Variants in IQCM observed in about 807,000 individuals in gnomAD.
IQCM encodes the protein IQ motif containing M, also known as IQ domain-containing protein M.
IQCM carries 45 observed loss-of-function variants against 57.6 expected under a neutral mutation model. That is an observed-to-expected ratio of 0.78 (90% CI 0.62 to 1.00). The LOEUF (loss-of-function observed/expected upper bound fraction) is 1.00. Among genes scored for constraint, IQCM ranks in the 50% least tolerant of loss-of-function variants. The pLI, the probability that IQCM is intolerant of heterozygous loss-of-function variation, is 0.00. For missense variants in IQCM, 468 were observed against 511.6 expected (o/e 0.91, Z 0.82); for synonymous variants, 148 against 158.9 (o/e 0.93, Z 0.51).
intron 7 of IQCM, among the ~76,000 whole-genome samples, chr4:149,676,163 A>T (rs1761732941): frequency 6.6e-6 from 1 of 152,086 alleles, no homozygotes; most frequent in African/African-American, 2.4e-5. Context: ...AAAATAGAAG[A>T]GCAAAAGGCA....
intron 12 of IQCM, among the ~76,000 whole-genome samples, chr4:149,463,241 T>G (rs1330735143): frequency 6.6e-6 from 1 of 152,176 alleles, no homozygotes; most frequent in Non-Finnish European, 1.5e-5. Context: ...CACTTTAAAA[T>G]GAACTGCCAT....
chr4:149,400,977 A>C (rs1732579908), intron 13 of IQCM, among the ~76,000 whole-genome samples: 1 of 151,806 alleles, frequency 6.6e-6, no homozygotes, highest in African/African-American at 2.4e-5. Context: ...CACATCTATT[A>C]AAAGGGGTGA....
At chr4:149,748,355 T>C (rs116056156) in intron 2 of IQCM, among the ~76,000 whole-genome samples, 1,805 of 152,316 alleles carry the variant, frequency 0.012, 50 homozygotes, top group African/African-American at 0.041. Context: ...AATTAAGATA[T>C]CTCAAATATT....
chr4:149,405,558 T>TAA (rs560338743), intron 13 of IQCM, among the ~76,000 whole-genome samples: 7 of 138,526 alleles, frequency 5.1e-5, no homozygotes, highest in African/African-American at 1.9e-4. Context: ...TAAAGTATAA[T>TAA]AAAAAAAAAA....
intron 12 of IQCM, among the ~76,000 whole-genome samples, chr4:149,545,535 A>T (rs910445393): frequency 6.6e-6 from 1 of 152,136 alleles, no homozygotes; most frequent in Non-Finnish European, 1.5e-5. Context: ...AAGACAAGAG[A>T]TAGCAGGTAT....
At chr4:149,735,086 T>C (rs1766811434) in intron 4 of IQCM, among the ~76,000 whole-genome samples, 1 of 152,214 alleles carries the variant, frequency 6.6e-6, no homozygotes, top group South Asian at 2.1e-4. Flanking sequence ...TTATGTGACA[T>C]GATAAATCCA....
At chr4:149,634,442 G>T (rs544666638) in intron 7 of IQCM, among the ~76,000 whole-genome samples, 1 of 152,270 alleles carries the variant, frequency 6.6e-6, no homozygotes, top group East Asian at 1.9e-4. Flanking sequence ...ATGTTTTCTT[G>T]TATTCTAACT....
intron 7 of IQCM, among the ~76,000 whole-genome samples, chr4:149,629,607 G>A (rs1262311942): frequency 6.6e-6 from 1 of 151,950 alleles, no homozygotes; most frequent in Non-Finnish European, 1.5e-5. Flanking sequence ...TTAGGCAGCA[G>A]AATACTAGAT....
intron 12 of IQCM, among the ~76,000 whole-genome samples, chr4:149,455,126 G>C (rs771084736): frequency 1.3e-5 from 2 of 152,070 alleles, no homozygotes; most frequent in Admixed American, 6.6e-5. Context: ...ACCCAACAAT[G>C]TATGATACGT....
chr4:149,479,205 C>T (rs1294785515), intron 12 of IQCM, among the ~76,000 whole-genome samples: 1 of 152,070 alleles, frequency 6.6e-6, no homozygotes, highest in Admixed American at 6.6e-5. Flanking sequence ...TACATTGAAC[C>T]TATTAGCTTA....
chr4:149,417,003 T>A (rs557971112), intron 13 of IQCM, among the ~76,000 whole-genome samples: 2 of 152,234 alleles, frequency 1.3e-5, no homozygotes, highest in East Asian at 3.9e-4. Flanking sequence ...AACTGAGGAA[T>A]TGCTTTTAGG....
intron 2 of IQCM, among the ~76,000 whole-genome samples, chr4:149,798,911 A>G (rs944864338): frequency 3.3e-5 from 5 of 151,980 alleles, no homozygotes; most frequent in African/African-American, 9.7e-5. Flanking sequence ...CACGTTAAGC[A>G]TTGGACAGAC....
chr4:149,757,593 T>C (rs1300580888), intron 2 of IQCM, among the ~76,000 whole-genome samples: 1 of 152,086 alleles, frequency 6.6e-6, no homozygotes, highest in Non-Finnish European at 1.5e-5. Context: ...TAAATAGGTA[T>C]GCCAAATTAT....
At chr4:149,589,859 T>C (rs1261865883) in intron 8 of IQCM, among the ~76,000 whole-genome samples, 2 of 152,042 alleles carry the variant, frequency 1.3e-5, no homozygotes, top group Non-Finnish European at 2.9e-5. Flanking sequence ...CTCAAGATGT[T>C]CCGTGACACA....
At chr4:149,492,155 C>G (rs1273806228) in intron 12 of IQCM, among the ~76,000 whole-genome samples, 2 of 151,982 alleles carry the variant, frequency 1.3e-5, no homozygotes, top group Non-Finnish European at 2.9e-5. Context: ...GGATATTAAC[C>G]TCTTATCAGA....
At chr4:149,551,157 T>C (rs1748990409) in intron 11 of IQCM, among the ~76,000 whole-genome samples, 1 of 152,178 alleles carries the variant, frequency 6.6e-6, no homozygotes, top group Admixed American at 6.5e-5. Flanking sequence ...AGTCACAAAC[T>C]TCATTCCAGT....
At chr4:149,740,564 TA>T (rs1226565929) in intron 3 of IQCM, among the ~76,000 whole-genome samples, 1 of 152,042 alleles carries the variant, frequency 6.6e-6, no homozygotes. Flanking sequence ...TTATTGAAAA[TA>T]ATATTGAAAA....
intron 13 of IQCM, among the ~76,000 whole-genome samples, chr4:149,387,044 C>G (rs747314974): frequency 2.0e-5 from 3 of 152,014 alleles, no homozygotes; most frequent in African/African-American, 7.2e-5. Context: ...GTGTCTTAGT[C>G]CATTCAGGCT....
Position 149,621,213 on chromosome 4 carries a change from C to T in IQCM, c.597G>A (p.Val199=), listed in dbSNP as rs558469575. 7.7e-5 allele frequency: 95 copies of T among 1,231,682 alleles called. No homozygotes were observed. The African/African-American group carries it at 1.3e-3, about 16-fold the overall frequency. 76.3% of individuals were successfully genotyped at this position (1,231,682 alleles called of 1,614,324 possible). A position where few individuals can be genotyped will look rare whatever the true frequency, so the allele number is the denominator to read the frequency against. The part of the protein sequence containing the change: ...DKAFYDWRGF[V]LTRSFRLACD... The stretch of plus-strand genomic sequence containing the variant: ...AAGCCAAACGGAAAGACCTTGTCAG[C>T]ACAAATCCTCTCCAGTCATAGAATG... Residue 199 remains valine, a synonymous_variant, in exon 8 of 14, where the codon GTG becomes GTA. Coordinates refer to ENST00000636793, the MANE Select transcript of IQCM (RefSeq NM_001363507.2).
Sources: allele counts gnomAD v4.1 joint callset (sites outside exome capture counted in the v4.1 genomes callset), GRCh38; gene constraint gnomAD v4.1.1; transcripts MANE v1.5; gene names NCBI Gene and HGNC (gene_info 2026-07-23, HGNC 2026-07-21).